EPHA6: variants seen among roughly 807,000 people sequenced by gnomAD.
EPHA6 encodes ephrin type-A receptor 6.
EPHA6 carries 50 observed loss-of-function variants against 112.0 expected under a neutral mutation model. That is an observed-to-expected ratio of 0.45 (90% CI 0.36 to 0.56). The LOEUF is 0.56. Ranked by LOEUF, EPHA6 falls within the 20% of genes least tolerant of loss-of-function variation. The pLI is 0.00. For missense variants in EPHA6, 1,280 were observed against 1,417.4 expected (o/e 0.90, Z 1.56); for synonymous variants, 529 against 490.7 (o/e 1.08, Z -1.03).
At chr3:97,214,034 T>TGAGA (rs1362165344) in intron 3 of EPHA6, among the ~76,000 whole-genome samples, 2,990 of 131,496 alleles carry the variant, frequency 0.023, 110 homozygotes, top group African/African-American at 0.094. Context: ...TGTGTGTGTG[T>TGAGA]GTGTGAGAGA....
intron 6 of EPHA6, among the ~76,000 whole-genome samples, chr3:97,410,107 G>T (rs1425495777): frequency 6.6e-6 from 1 of 151,998 alleles, no homozygotes; most frequent in Non-Finnish European, 1.5e-5. Flanking sequence ...TTAAAAGAAG[G>T]TTGAAGTCTT....
intron 3 of EPHA6, among the ~76,000 whole-genome samples, chr3:97,117,063 T>C (rs892078927): frequency 1.3e-5 from 2 of 151,628 alleles, no homozygotes; most frequent in Non-Finnish European, 3.0e-5. Context: ...TTTTAATTGT[T>C]TTTTCCTGAT....
At chr3:96,881,766 T>G (rs919396467) in intron 2 of EPHA6, among the ~76,000 whole-genome samples, 2 of 152,190 alleles carry the variant, frequency 1.3e-5, no homozygotes, top group Non-Finnish European at 2.9e-5. Flanking sequence ...AAAAACAAGT[T>G]AATTACTTCC....
chr3:97,489,440 T>A (rs979055193), intron 10 of EPHA6, among the ~76,000 whole-genome samples: 1 of 152,118 alleles, frequency 6.6e-6, no homozygotes, highest in Admixed American at 6.5e-5. Flanking sequence ...AATCCCAGCA[T>A]GTTGGGAGGC....
At chr3:97,382,961 C>T (rs2085840238) in intron 5 of EPHA6, among the ~76,000 whole-genome samples, 1 of 151,938 alleles carries the variant, frequency 6.6e-6, no homozygotes, top group Admixed American at 6.6e-5. Context: ...TAAAAGTTTG[C>T]TAAGATGACC....
intron 3 of EPHA6, among the ~76,000 whole-genome samples, chr3:97,176,303 G>T (rs1440235481): frequency 6.6e-6 from 1 of 151,748 alleles, no homozygotes; most frequent in Non-Finnish European, 1.5e-5. Flanking sequence ...GTTTGCTAGT[G>T]TTTAGTTGAG....
chr3:97,148,643 T>G (rs1424841537), intron 3 of EPHA6, among the ~76,000 whole-genome samples: 1 of 152,092 alleles, frequency 6.6e-6, no homozygotes, highest in African/African-American at 2.4e-5. Context: ...ATTAAAATTT[T>G]AAAAAATTAT....
chr3:97,102,751 G>A (rs1052425132), intron 3 of EPHA6, among the ~76,000 whole-genome samples: 8 of 151,988 alleles, frequency 5.3e-5, no homozygotes, highest in African/African-American at 1.9e-4. Flanking sequence ...CAAAGTATAA[G>A]CATTTCCTTT....
At chr3:97,189,612 C>T (rs2077246778) in intron 3 of EPHA6, among the ~76,000 whole-genome samples, 1 of 151,816 alleles carries the variant, frequency 6.6e-6, no homozygotes, top group Admixed American at 6.6e-5. Context: ...TCAGAAATGT[C>T]CTCTATCTCT....
intron 10 of EPHA6, among the ~76,000 whole-genome samples, chr3:97,519,974 T>TG: frequency 1.3e-5 from 2 of 151,382 alleles, no homozygotes; most frequent in East Asian, 3.9e-4. Context: ...GCAATTTTTT[T>TG]TTTTTTTTTT....
At chr3:97,288,537 A>G (rs767847438) in intron 5 of EPHA6, among the ~76,000 whole-genome samples, 1 of 152,194 alleles carries the variant, frequency 6.6e-6, no homozygotes, top group Non-Finnish European at 1.5e-5. Flanking sequence ...TAGTGCTGCA[A>G]TGAACATGTG....
At chr3:96,849,858 G>A (rs1478236253) in intron 1 of EPHA6, among the ~76,000 whole-genome samples, 4 of 152,084 alleles carry the variant, frequency 2.6e-5, no homozygotes, top group Non-Finnish European at 5.9e-5. Flanking sequence ...TAATAAATGA[G>A]GTAATGCACT....
At chr3:97,382,433 G>A (rs2085808211) in intron 5 of EPHA6, among the ~76,000 whole-genome samples, 1 of 151,952 alleles carries the variant, frequency 6.6e-6, no homozygotes, top group African/African-American at 2.4e-5. Context: ...TTAATAGAAA[G>A]GAAGACTTTG....
At chr3:97,574,172 T>G (rs73851929) in intron 11 of EPHA6, among the ~76,000 whole-genome samples, 2,553 of 152,246 alleles carry the variant, frequency 0.017, 64 homozygotes, top group African/African-American at 0.053. Flanking sequence ...AAATCTAAAT[T>G]TTATTATCAA....
intron 11 of EPHA6, among the ~76,000 whole-genome samples, chr3:97,563,660 A>G (rs911833625): frequency 6.6e-6 from 1 of 152,204 alleles, no homozygotes; most frequent in Non-Finnish European, 1.5e-5. Flanking sequence ...AAAGGTAAAT[A>G]TATTTACCAG....
At chr3:97,181,043 T>C (rs2076974513) in intron 3 of EPHA6, among the ~76,000 whole-genome samples, 1 of 152,144 alleles carries the variant, frequency 6.6e-6, no homozygotes, top group African/African-American at 2.4e-5. Flanking sequence ...TACTCAAGTT[T>C]AGACCACTGG....
At chr3:97,145,911 A>G (rs1317029631) in intron 3 of EPHA6, among the ~76,000 whole-genome samples, 1 of 151,644 alleles carries the variant, frequency 6.6e-6, no homozygotes, top group African/African-American at 2.4e-5. Context: ...CAAAGTATCT[A>G]GTATTCATAT....
At chr3:97,603,336 C>A (rs1424460094) in intron 12 of EPHA6, among the ~76,000 whole-genome samples, 1 of 151,920 alleles carries the variant, frequency 6.6e-6, no homozygotes, top group African/African-American at 2.4e-5. Context: ...TGTTTTGTTT[C>A]TCTAGCCTCA....
chr3:97,241,176 A>C (rs2078834795), intron 4 of EPHA6, among the ~76,000 whole-genome samples: 2 of 147,426 alleles, frequency 1.4e-5, no homozygotes, highest in South Asian at 4.2e-4. Flanking sequence ...AGTGTTTTCT[A>C]GTTAAAAAAA....
Sources: allele counts gnomAD v4.1 joint callset (sites outside exome capture counted in the v4.1 genomes callset), GRCh38; gene constraint gnomAD v4.1.1; transcripts MANE v1.5; gene names NCBI Gene and HGNC (gene_info 2026-07-23, HGNC 2026-07-21).